PGAP4: variants seen among roughly 807,000 people sequenced by gnomAD.
PGAP4 encodes post-GPI attachment to proteins GalNAc transferase 4.
PGAP4 carries 12 observed loss-of-function variants against 28.2 expected under a neutral mutation model. That is an observed-to-expected ratio of 0.42 (90% CI 0.27 to 0.69). The LOEUF (loss-of-function observed/expected upper bound fraction) is 0.69. Ranked by LOEUF, PGAP4 falls within the 30% of genes least tolerant of loss-of-function variation. The pLI is 0.22. For synonymous variants in PGAP4, 205 were observed against 211.8 expected (o/e 0.97, Z 0.28); for missense variants, 425 against 513.5 (o/e 0.83, Z 1.67).
At chr9:101,501,710 T>C (rs1826802254) in intron 2 of PGAP4, 2 of 519,204 alleles carry the variant, frequency 3.9e-6, no homozygotes, top group Non-Finnish European at 7.7e-6. Context: ...CTTGTATAGA[T>C]CATTGGGACC....
chr9:101,533,643 C>T (rs1470738975), upstream of PGAP4: 2 of 152,404 alleles, frequency 1.3e-5, no homozygotes, highest in Non-Finnish European at 2.9e-5. Flanking sequence ...CTCCGTCAGG[C>T]ATCAGCGAGG....
intron 2 of PGAP4, among the ~76,000 whole-genome samples, chr9:101,507,673 C>T (rs528035068): frequency 5.5e-4 from 84 of 152,216 alleles, no homozygotes; most frequent in African/African-American, 1.9e-3. Flanking sequence ...ACCTTCCACC[C>T]TGTTTGTGCA....
At chr9:101,479,640 G>C (rs1360924614) in intron 1 of PGAP4, among the ~76,000 whole-genome samples, 2 of 152,228 alleles carry the variant, frequency 1.3e-5, no homozygotes, top group South Asian at 2.1e-4. Context: ...CAGGAAAAGA[G>C]AGGGATTTGG....
At chr9:101,514,890 A>G (rs1414808114) in intron 2 of PGAP4, among the ~76,000 whole-genome samples, 2 of 152,136 alleles carry the variant, frequency 1.3e-5, no homozygotes, top group Non-Finnish European at 2.9e-5. Flanking sequence ...ATCTGTTGGG[A>G]ACTCCTCAAA....
intron 2 of PGAP4, among the ~76,000 whole-genome samples, chr9:101,519,769 G>T (rs1826972878): frequency 6.6e-6 from 1 of 151,770 alleles, no homozygotes; most frequent in Non-Finnish European, 1.5e-5. Context: ...ATTTGCTTTT[G>T]GGTTCTTGGT....
At chr9:101,517,232 G>A (rs1401611001) in intron 2 of PGAP4, among the ~76,000 whole-genome samples, 2 of 151,968 alleles carry the variant, frequency 1.3e-5, no homozygotes, top group Admixed American at 1.3e-4. Flanking sequence ...AATGAGAAAA[G>A]CAATGACATG....
At chr9:101,482,317 G>C (rs536280845) in intron 1 of PGAP4, among the ~76,000 whole-genome samples, 1 of 152,104 alleles carries the variant, frequency 6.6e-6, no homozygotes, top group South Asian at 2.1e-4. Context: ...GTGGTGGCAC[G>C]TGCCTGTAAT....
intron 2 of PGAP4, among the ~76,000 whole-genome samples, chr9:101,512,688 A>G (rs867169666): frequency 2.6e-5 from 4 of 152,292 alleles, no homozygotes; most frequent in South Asian, 2.1e-4. Flanking sequence ...AACAATAACA[A>G]CAACAACAAC....
At chr9:101,527,244 C>T (rs1827042675) in intron 2 of PGAP4, among the ~76,000 whole-genome samples, 1 of 152,164 alleles carries the variant, frequency 6.6e-6, no homozygotes, top group African/African-American at 2.4e-5. Context: ...CTGCATTAGT[C>T]ATCAATGTAA....
At chr9:101,520,797 G>C (rs1425871688) in intron 2 of PGAP4, among the ~76,000 whole-genome samples, 1 of 152,124 alleles carries the variant, frequency 6.6e-6, no homozygotes, top group African/African-American at 2.4e-5. Flanking sequence ...ACATTTTCCA[G>C]TTCTCAGAGG....
At chr9:101,523,619 C>CATT (rs1245170432) in intron 2 of PGAP4, among the ~76,000 whole-genome samples, 1,036 of 59,230 alleles carry the variant, frequency 0.017, 59 homozygotes, top group Middle Eastern at 0.033. Context: ...CTTCTTGTAT[C>CATT]TTTTTTTTTT....
chr9:101,508,765 C>G (rs960349917), intron 2 of PGAP4, among the ~76,000 whole-genome samples: 1 of 152,056 alleles, frequency 6.6e-6, no homozygotes, highest in Non-Finnish European at 1.5e-5. Flanking sequence ...ATAGAACTCA[C>G]CATAATGCAG....
rs1564089492 is a variant in PGAP4 at position 101,474,537 on chromosome 9, ATTC to A, written c.*1341_*1343del. On this transcript the variant is annotated 3_prime_UTR_variant, in exon 2 of 2. Transcript: ENST00000374848. ...AGATCATTTCCAGTTTGAATGAACAATTCTTCTTTTTGGCTTGGGTGAACGTGG... is the reference window on the plus strand; with the variant it reads ...AGATCATTTCCAGTTTGAATGAACAATTCTTTTTGGCTTGGGTGAACGTGG... The A allele has an allele frequency of 1.3e-5, 2 of 152,220 alleles. No homozygotes were observed. The highest frequency in any genetic ancestry group is 6.5e-5 in the Admixed American group (1 of 15,280). The allele number at this position is 152,220 out of a possible 1,614,324, so 9.4% of individuals were successfully genotyped here. A position where few individuals can be genotyped will look rare whatever the true frequency, so the allele number is the denominator to read the frequency against.
chr9:101,495,009 T>C (rs1341456943), intron 2 of PGAP4, among the ~76,000 whole-genome samples: 2 of 148,224 alleles, frequency 1.3e-5, no homozygotes, highest in Non-Finnish European at 3.0e-5. Flanking sequence ...TATGAATTTA[T>C]ATAATTTTTG....
Position 101,508,391 on chromosome 9 carries a change from G to A in PGAP4, c.-164-19191C>T, listed in dbSNP as rs567002155. Among the ~76,000 whole-genome samples, 5 of 152,144 alleles carry A rather than the reference G, an allele frequency of 3.3e-5. No individual in the cohort carries two copies. The East Asian group carries it at 9.7e-4, about 30-fold the overall frequency. ...ACAAAAAGATTTCTTCACATCTGCA[G>A]GCACGTCAATAAAATATGACCCATA... On this transcript the variant is annotated intron_variant, in intron 2 of 3. Transcript: ENST00000374851.
At chr9:101,491,811 G>GGA (rs1826691680), upstream of PGAP4, among the ~76,000 whole-genome samples, 1 of 53,012 alleles carries the variant, frequency 1.9e-5, no homozygotes, top group Non-Finnish European at 3.6e-5. Context: ...AAATCTTAAA[G>GGA]GATATATATA....
chr9:101,477,536 G>A (rs1826363148), intron 1 of PGAP4, among the ~76,000 whole-genome samples: 1 of 151,926 alleles, frequency 6.6e-6, no homozygotes, highest in Non-Finnish European at 1.5e-5. Flanking sequence ...TAAAACGGGG[G>A]CAAAAAAGCA....
At chr9:101,491,827 A>ATATATATG, upstream of PGAP4, among the ~76,000 whole-genome samples, 1 of 86,792 alleles carries the variant, frequency 1.2e-5, no homozygotes, top group South Asian at 4.8e-4. Context: ...ATATATATAT[A>ATATATATG]TATATATATA....
chr9:101,520,186 C>T (rs1826977512), intron 2 of PGAP4, among the ~76,000 whole-genome samples: 1 of 152,114 alleles, frequency 6.6e-6, no homozygotes, highest in South Asian at 2.1e-4. Flanking sequence ...CTTGCTTTGG[C>T]TATACAAGCT....
Sources: gnomAD v4.1 joint callset for allele counts (sites outside exome capture counted in the v4.1 genomes callset) on GRCh38, gnomAD v4.1.1 for gene constraint, MANE v1.5 for transcripts, NCBI Gene and HGNC (gene_info 2026-07-23, HGNC 2026-07-21) for gene names.